FRMPD1: variants seen among roughly 807,000 people sequenced by gnomAD.
FRMPD1 encodes FERM and PDZ domain containing 1.
Under a neutral mutation model 117.8 loss-of-function variants are expected in FRMPD1, and 76 were observed. That is an observed-to-expected ratio of 0.65 (90% CI 0.54 to 0.78). The LOEUF is 0.78. FRMPD1 is among the 30% of genes least tolerant of loss of function. FRMPD1 has a pLI of 0.00. For synonymous variants in FRMPD1, 783 were observed against 770.4 expected, an observed-to-expected ratio of 1.02 and a Z score of -0.27; for missense variants, 1,786 against 1,964.5, an observed-to-expected ratio of 0.91 and a Z score of 1.72.
intron 5 of FRMPD1, among the ~76,000 whole-genome samples, chr9:37,716,567 A>T (rs1437276158): frequency 1.3e-5 from 2 of 152,122 alleles, no homozygotes; most frequent in South Asian, 4.1e-4. Flanking sequence ...TTCTTCCAGG[A>T]TTTATCTCCC....
chr9:37,698,864 G>A (rs773301514), intron 2 of FRMPD1, among the ~76,000 whole-genome samples: 12 of 151,882 alleles, frequency 7.9e-5, no homozygotes, highest in African/African-American at 2.4e-4. Context: ...TCAGCCTCCC[G>A]AGTAGCTGGG....
upstream of FRMPD1, among the ~76,000 whole-genome samples, chr9:37,650,237 G>C (rs943326364): frequency 6.6e-6 from 1 of 152,196 alleles, no homozygotes; most frequent in Non-Finnish European, 1.5e-5. Context: ...CATGCTCAGA[G>C]AGGCGGTAGG....
chr9:37,666,640 G>A (rs371803951), intron 1 of FRMPD1, among the ~76,000 whole-genome samples: 2 of 152,192 alleles, frequency 1.3e-5, no homozygotes, highest in East Asian at 3.9e-4. Context: ...TCCACAGCTG[G>A]ATGGGATCTC....
rs545739229 is a variant in FRMPD1, at chr9:37,660,748, G to A, written c.-5+9654G>A. Among the ~76,000 whole-genome samples, 29 of 152,308 alleles carry A rather than the reference G, an allele frequency of 1.9e-4. No homozygotes were observed. The East Asian group carries it at 5.4e-3, about 28-fold the overall frequency. On this transcript the variant is annotated intron_variant, in intron 1 of 15. Transcript: ENST00000377765. ...CATTTCTGCAAGGCAATACTCCCCAGACAGTGTGGTCATGGGGTGTTGCTG... is the reference window on the plus strand; with the variant it reads ...CATTTCTGCAAGGCAATACTCCCCAAACAGTGTGGTCATGGGGTGTTGCTG...
At chr9:37,613,449 G>A in the FRMPD1 span, among the ~76,000 whole-genome samples, 2 of 152,164 alleles carry the variant, frequency 1.3e-5, no homozygotes, top group African/African-American at 4.8e-5. Flanking sequence ...AAAATCAACT[G>A]GCTAATGGGA....
the FRMPD1 span, among the ~76,000 whole-genome samples, chr9:37,612,643 C>G: frequency 6.6e-6 from 1 of 151,976 alleles, no homozygotes; most frequent in Non-Finnish European, 1.5e-5. Flanking sequence ...CTCAGCCTCC[C>G]AAGTAGCTGG....
chr9:37,633,029 A>AT, the FRMPD1 span, among the ~76,000 whole-genome samples: 4,050 of 68,986 alleles, frequency 0.059, 229 homozygotes, highest in African/African-American at 0.13. Context: ...ATATATATAT[A>AT]TATTTTTCTT....
At chr9:37,688,725 G>A (rs928895866) in intron 1 of FRMPD1, among the ~76,000 whole-genome samples, 1 of 152,052 alleles carries the variant, frequency 6.6e-6, no homozygotes. Context: ...AAATGATGGT[G>A]TAAATGCTTA....
intron 1 of FRMPD1, among the ~76,000 whole-genome samples, chr9:37,685,971 G>A (rs1266368488): frequency 6.6e-6 from 1 of 152,078 alleles, no homozygotes; most frequent in East Asian, 1.9e-4. Context: ...TTGTCTGTTT[G>A]CATTTAAAAT....
intron 1 of FRMPD1, among the ~76,000 whole-genome samples, chr9:37,683,526 TGA>T (rs1184653014): frequency 6.6e-6 from 1 of 152,026 alleles, no homozygotes; most frequent in Non-Finnish European, 1.5e-5. Flanking sequence ...CATTGAAGTG[TGA>T]GTAGGAATTT....
chr9:37,649,484 A>G (rs1820601217), upstream of FRMPD1, among the ~76,000 whole-genome samples: 1 of 152,166 alleles, frequency 6.6e-6, no homozygotes, highest in Non-Finnish European at 1.5e-5. Context: ...TGGGGCACTG[A>G]CAGAAAAGGG....
intron 1 of FRMPD1, among the ~76,000 whole-genome samples, chr9:37,671,513 C>T (rs1409126578): frequency 6.6e-6 from 1 of 152,058 alleles, no homozygotes. Flanking sequence ...CAGACAACCA[C>T]GGCCCTGCTC....
upstream of FRMPD1, among the ~76,000 whole-genome samples, chr9:37,650,740 G>C (rs1411125079): frequency 1.3e-5 from 2 of 152,008 alleles, no homozygotes; most frequent in Non-Finnish European, 2.9e-5. Flanking sequence ...GGCAGGCGGC[G>C]GAGGCAGGGC....
chr9:37,668,319 T>G (rs1432331618), intron 1 of FRMPD1: 1 of 152,304 alleles, frequency 6.6e-6, no homozygotes, highest in East Asian at 1.9e-4. Context: ...GTCATGCTCC[T>G]GTGAGGAGGG....
chr9:37,711,351 G>A lies in FRMPD1; in HGVS notation c.364G>A (p.Glu122Lys). The A allele has an allele frequency of 1.2e-6, 2 of 1,605,024 alleles. No individual in the cohort carries two copies. The highest frequency in any genetic ancestry group is 1.7e-6 in the Non-Finnish European group (2 of 1,171,752). ...TGTCTTTATTCTTTCTTTTTTCAGG[G>A]AAGCAGAAGATTCTCTTTCAATCAC... Reference protein sequence around the residue: ...SWERAVDILREAEDSLSITVV... With the variant: ...SWERAVDILRKAEDSLSITVV... Residue 122 changes from glutamate (E) to lysine (K), a missense_variant and splice_region_variant, in exon 5 of 16, where the codon GAA (glutamate) becomes AAA (lysine). Physicochemically the swap from Glu to Lys is moderately conservative, Grantham distance 56. Coordinates refer to ENST00000377765, the MANE Select transcript of FRMPD1 (RefSeq NM_014907.3).
chr9:37,609,824 G>A, the FRMPD1 span, among the ~76,000 whole-genome samples: 2 of 151,994 alleles, frequency 1.3e-5, no homozygotes, highest in East Asian at 3.9e-4. Flanking sequence ...TAGCTTCCTC[G>A]GCTCCAGCCT....
chr9:37,711,312 C>T (rs759990332), intron 4 of FRMPD1, 38 bp from the exon 5 acceptor site: 33 of 1,420,070 alleles, frequency 2.3e-5, no homozygotes, highest in African/African-American at 2.8e-5. Context: ...TCACGCAGAA[C>T]GACTAAATGT....
At chr9:37,667,691 G>GA (rs3075983) in intron 1 of FRMPD1, among the ~76,000 whole-genome samples, 34,366 of 144,616 alleles carry the variant, frequency 0.24, 4,098 homozygotes, top group Middle Eastern at 0.27. Context: ...CTCAAAAAAA[G>GA]AAAAAAAAAA....
the FRMPD1 span, among the ~76,000 whole-genome samples, chr9:37,620,250 C>T: frequency 5.3e-3 from 807 of 152,294 alleles, 4 homozygotes; most frequent in Middle Eastern, 0.027. Context: ...CTCCAGGTCA[C>T]AGCATCACAG....
Sources: gnomAD v4.1 joint callset for allele counts (sites outside exome capture counted in the v4.1 genomes callset) on GRCh38, gnomAD v4.1.1 for gene constraint, MANE v1.5 for transcripts, NCBI Gene and HGNC (gene_info 2026-07-23, HGNC 2026-07-21) for gene names.